Variants in KRT40 observed in about 807,000 individuals in gnomAD.
The protein encoded by KRT40 is keratin 40.
Under a neutral mutation model 43.5 loss-of-function variants are expected in KRT40, and 47 were observed. The observed-to-expected ratio is 1.08, with a 90% CI of 0.86 to 1.38. The LOEUF is 1.38. Among genes scored for constraint, KRT40 ranks in the 40% most tolerant of loss-of-function variants. The probability of loss-of-function intolerance (pLI) is 0.00; values close to 1 mark genes in which losing one functional copy is unlikely to be tolerated. For missense variants in KRT40, 573 were observed against 523.6 expected, an observed-to-expected ratio of 1.09 and a Z score of -0.92; for synonymous variants, 212 against 214.0, an observed-to-expected ratio of 0.99 and a Z score of 0.08.
upstream of KRT40, among the ~76,000 whole-genome samples, chr17:40,985,569 A>G (rs1247962426): frequency 6.6e-6 from 1 of 152,224 alleles, no homozygotes; most frequent in African/African-American, 2.4e-5. Context: ...CTTGAGTGCT[A>G]CTTCCTAGGT....
Position 40,978,997 on chromosome 17 carries a change from C to G in KRT40, c.1003G>C (p.Glu335Gln). 6.2e-7 allele frequency: 1 copy of G among 1,614,072 alleles called. No homozygotes were observed. Among genetic ancestry groups the G allele is most frequent in the Non-Finnish European group, 8.5e-7 (1 of 1,179,930 alleles). The change falls in exon 6 of 7, where the codon GAA (glutamate) becomes CAA (glutamine). Residue 335 changes from glutamate (E) to glutamine (Q), a missense_variant. Coordinates refer to ENST00000377755, the MANE Select transcript of KRT40 (RefSeq NM_001389244.1). ...LTESLECTVA[E>Q]TEAQYSSQLA... Reference sequence around the variant, plus strand: ...TGGGAGCTGTACTGGGCCTCGGTTTCTGCCACGGTGCATTCCAGAGATTCT... The same window carrying G: ...TGGGAGCTGTACTGGGCCTCGGTTTGTGCCACGGTGCATTCCAGAGATTCT...
At chr17:40,981,865 T>C (rs1912175151) in intron 3 of KRT40, among the ~76,000 whole-genome samples, 1 of 126,744 alleles carries the variant, frequency 7.9e-6, no homozygotes, top group Non-Finnish European at 1.6e-5. Flanking sequence ...CCTCGAGTAG[T>C]TTTTGTTTGT....
upstream of KRT40, among the ~76,000 whole-genome samples, chr17:40,985,597 A>G (rs902870743): frequency 3.3e-5 from 5 of 152,210 alleles, no homozygotes; most frequent in African/African-American, 1.2e-4. Context: ...AGTAGAAACC[A>G]AACCAAACCA....
At chr17:40,985,259 A>G (rs568907601), upstream of KRT40, among the ~76,000 whole-genome samples, 1 of 152,276 alleles carries the variant, frequency 6.6e-6, no homozygotes, top group East Asian at 1.9e-4. Context: ...AACTTGGAAA[A>G]TAAAATTCTA....
At position 40,984,145 on chromosome 17, in the gene KRT40, A is replaced by T; in HGVS notation, c.129T>A (p.Cys43Ter). ...CLPGTCATSR[C>*]QTPSFLSRSR... ...ACCTGGATAGGAAGCTTGGAGTCTG[A>T]CATCGGGATGTAGCACAGGTACCGG... The change falls in exon 1 of 7, where the codon TGT (cysteine) becomes TGA (stop). Residue 43 changes from cysteine (C) to a stop codon, truncating the protein, a stop_gained. Coordinates refer to ENST00000377755, the MANE Select transcript of KRT40 (RefSeq NM_001389244.1). LOFTEE classifies it high-confidence loss of function. The T allele has an allele frequency of 6.2e-7, 1 of 1,614,124 alleles. No homozygotes were observed. The highest frequency in any genetic ancestry group is 8.5e-7 in the Non-Finnish European group (1 of 1,180,026).
chr17:40,981,692 G>C (rs942697576), intron 3 of KRT40, among the ~76,000 whole-genome samples: 3 of 152,152 alleles, frequency 2.0e-5, no homozygotes, highest in African/African-American at 7.2e-5. Flanking sequence ...ACTGGAGCTA[G>C]GGGTGGCATA....
intron 2 of KRT40, 54 bp from the exon 3 acceptor site, chr17:40,982,517 T>C (rs1190291000): frequency 1.3e-5 from 18 of 1,425,152 alleles, no homozygotes; most frequent in Non-Finnish European, 1.5e-5. Context: ...CTGTGCAAAG[T>C]GTGGGGATAC....
intron 1 of KRT40, 45 bp downstream of exon 1, chr17:40,983,782 A>C (rs1912306860): frequency 6.4e-7 from 1 of 1,573,016 alleles, no homozygotes; most frequent in Non-Finnish European, 8.7e-7. Flanking sequence ...GATAAAGCAA[A>C]CCATAGATCA....
Position 40,980,907 on chromosome 17 carries a change from C to G in KRT40, c.853G>C (p.Glu285Gln). 1 of 1,614,034 alleles carries G rather than the reference C, an allele frequency of 6.2e-7. No individual in the cohort carries two copies. The highest frequency in any genetic ancestry group is 8.5e-7 in the Non-Finnish European group (1 of 1,180,006). Residue 285 changes from glutamate (E) to glutamine (Q), a missense_variant, in exon 5 of 7, where the codon GAA becomes CAA. Physicochemically the swap from Glu to Gln is conservative, Grantham distance 29. Coordinates refer to ENST00000377755, the MANE Select transcript of KRT40 (RefSeq NM_001389244.1). ...EAEEWLAVQT[E>Q]ELNQQQLSSA... is the part of the protein sequence containing the mutation. The stretch of plus-strand genomic sequence containing the variant: ...GACAGTTGCTGCTGATTCAGCTCTT[C>G]TGTCTGAAACACAGACACCATTAGA...
At chr17:40,984,860 A>AGTTGTGTGTGTGTGTGTGTGTGT (rs551051327), upstream of KRT40, among the ~76,000 whole-genome samples, 374 of 151,556 alleles carry the variant, frequency 2.5e-3, no homozygotes, top group African/African-American at 5.0e-3. Context: ...TTGGGTTTAA[A>AGTTGTGTGTGTGTGTGTGTGTGT]GTGTGTGTGT....
intron 3 of KRT40, 57 bp downstream of exon 3, chr17:40,982,250 T>G: frequency 7.2e-7 from 1 of 1,388,034 alleles, no homozygotes; most frequent in Non-Finnish European, 9.5e-7. Context: ...ACAGATCATC[T>G]GTCAATGTAA....
chr17:40,984,167 C>G lies in KRT40; in HGVS notation c.107G>C (p.Gly36Ala), dbSNP rs1434533509. Residue 36 changes from glycine to alanine, a missense_variant, in exon 1 of 7, where the codon GGT becomes GCT. By Grantham distance (60) the Gly-to-Ala change is moderately conservative. Coordinates refer to ENST00000377755, the MANE Select transcript of KRT40 (RefSeq NM_001389244.1). ...SCSVETACLP[G>A]TCATSRCQTP... The stretch of plus-strand genomic sequence containing the variant: ...CTGACATCGGGATGTAGCACAGGTA[C>G]CGGGGAGACAAGCTGTTTCCACGGA... The G allele has an allele frequency of 6.2e-7, 1 of 1,613,946 alleles. No homozygotes were observed. Among genetic ancestry groups the G allele is most frequent in the East Asian group, 2.2e-5 (1 of 44,870 alleles).
rs1911944971 is a variant in KRT40 at position 40,978,810 on chromosome 17, T to C, written c.1190A>G (p.Asp397Gly). ...GAGTAACTGTGGAACTTGCCTGCTG[T>C]CCTCGCTGTCCAGCAGGCCCCAGTA... ...NTYWGLLDSEDSRLSCSPCST... is the reference protein window; with the variant it reads ...NTYWGLLDSEGSRLSCSPCST... Residue 397 changes from aspartate (D) to glycine (G), a missense_variant, in exon 6 of 7, where the codon GAC (aspartate) becomes GGC (glycine). Physicochemically the swap from Asp to Gly is moderately conservative, Grantham distance 94. Transcript: ENST00000377755. 10 of 1,610,776 alleles carry C rather than the reference T, an allele frequency of 6.2e-6. No homozygotes were observed. The highest frequency in any genetic ancestry group is 1.7e-5 in the Admixed American group (1 of 59,974).
Position 40,978,099 on chromosome 17 carries a change from C to T in KRT40, c.*98G>A, listed in dbSNP as rs544893470. ...GGCAATTCCAGGATATGAGAGCCTC[C>T]TGGATTTGTGCTTCCGGTTTGGATG... On this transcript the variant is annotated 3_prime_UTR_variant, in exon 7 of 7. Transcript: ENST00000377755. 4.6e-6 allele frequency: 4 copies of T among 870,764 alleles called. No homozygotes were observed. Among genetic ancestry groups the T allele is most frequent in the African/African-American group, 3.3e-5 (2 of 60,124 alleles). 53.9% of individuals were successfully genotyped at this position (870,764 alleles called of 1,614,324 possible).
At position 40,984,008 on chromosome 17, in the gene KRT40, T is replaced by C. The variant is rs1212346001; in HGVS notation, c.266A>G (p.Glu89Gly). 6.2e-7 allele frequency: 1 copy of C among 1,614,128 alleles called. No homozygotes were observed. Among genetic ancestry groups the C allele is most frequent in the Middle Eastern group, 1.6e-4 (1 of 6,062 alleles). The change falls in exon 1 of 7, where the codon GAG becomes GGG. Residue 89 changes from glutamate to glycine, a missense_variant. By Grantham distance (98) the Glu-to-Gly change is moderately conservative (BLOSUM62 -2). Transcript: ENST00000377755. The part of the protein sequence containing the change: ...WCEDGVFTSN[E>G]KETMQFLNDR... ...ATTCAGGAACTGCATCGTCTCCTTC[T>C]CATTGCTAGTGAACACCCCATCCTC...
Position 40,980,801 on chromosome 17 carries a change from T to C in KRT40, c.959A>G (p.Gln320Arg), listed in dbSNP as rs371768091. The change falls in exon 5 of 7, where the codon CAA (glutamine) becomes CGA (arginine). Residue 320 changes from glutamine to arginine, a missense_variant. Transcript: ENST00000377755. Reference sequence around the variant, plus strand: ...CTCACGCACCAGGCTTTGCTGTGCTTGGAGCTCAATTTCCAGAGCACTGGC... The same window carrying C: ...CTCACGCACCAGGCTTTGCTGTGCTCGGAGCTCAATTTCCAGAGCACTGGC... ...RTASALEIEL[Q>R]AQQSLTESLE... 4 of 1,607,046 alleles carry C rather than the reference T, an allele frequency of 2.5e-6. No homozygotes were observed. In the African/African-American group the frequency reaches 4.0e-5, roughly 16 times the overall value.
At chr17:40,981,298 C>G in intron 3 of KRT40, 147 bp from the exon 4 acceptor site, 1 of 1,461,374 alleles carries the variant, frequency 6.8e-7, no homozygotes, top group Non-Finnish European at 9.3e-7. Context: ...CTCTTTTCAC[C>G]ACTTAGAAGG....
chr17:40,981,433 A>G (rs771796523), intron 3 of KRT40: 2 of 610,052 alleles, frequency 3.3e-6, no homozygotes, highest in Non-Finnish European at 5.9e-6. Flanking sequence ...GACACATAGT[A>G]AGGTGTCAAT....
At chr17:40,980,090 G>A (rs1912054656) in intron 5 of KRT40, among the ~76,000 whole-genome samples, 1 of 152,206 alleles carries the variant, frequency 6.6e-6, no homozygotes, top group Admixed American at 6.5e-5. Context: ...TCAACTGGCT[G>A]AACTCAGCTT....
Sources: gnomAD v4.1 joint callset for allele counts (sites outside exome capture counted in the v4.1 genomes callset) on GRCh38, gnomAD v4.1.1 for gene constraint, MANE v1.5 for transcripts, NCBI Gene and HGNC (gene_info 2026-07-23, HGNC 2026-07-21) for gene names.